Variants in EDIL3 observed in about 807,000 individuals in gnomAD.
The protein encoded by EDIL3 is EGF-like repeat and discoidin I-like domain-containing protein 3.
Under a neutral mutation model 67.4 loss-of-function variants are expected in EDIL3, and 37 were observed. The observed-to-expected ratio is 0.55, with a 90% confidence interval of 0.42 to 0.72. EDIL3 has a LOEUF of 0.72. EDIL3 is among the 30% of genes least tolerant of loss of function. EDIL3 has a pLI of 0.00. For synonymous variants in EDIL3, 195 were observed against 196.3 expected (o/e 0.99, Z 0.05); for missense variants, 527 against 586.3 (o/e 0.90, Z 1.04).
chr5:84,338,827 C>T (rs1185279433), intron 1 of EDIL3, among the ~76,000 whole-genome samples: 1 of 152,130 alleles, frequency 6.6e-6, no homozygotes, highest in Non-Finnish European at 1.5e-5. Context: ...GGGCATATGA[C>T]CTGTGAAATC....
intron 9 of EDIL3, among the ~76,000 whole-genome samples, chr5:84,041,534 ATG>A (rs1016607067): frequency 1.5e-4 from 22 of 146,226 alleles, no homozygotes; most frequent in Non-Finnish European, 3.0e-4. Context: ...CTTGTAGAAA[ATG>A]TGTGTGTGTG....
chr5:84,342,160 GA>G, intron 1 of EDIL3, among the ~76,000 whole-genome samples: 2 of 152,184 alleles, frequency 1.3e-5, no homozygotes, highest in East Asian at 3.9e-4. Flanking sequence ...ATAGACAACA[GA>G]ATGCTTTTCA....
intron 9 of EDIL3, among the ~76,000 whole-genome samples, chr5:84,020,912 T>C (rs556993137): frequency 2.0e-5 from 3 of 152,142 alleles, no homozygotes; most frequent in African/African-American, 4.8e-5. Context: ...AAAAAAGTTA[T>C]ATGCATCTTT....
In EDIL3 at chr5:84,106,907, G is replaced by A; in HGVS notation, c.470-77C>T. ...CAACATGTGTCTGTTCGATTTGATA[G>A]GATTTTTTTAAATGATTTGAATTTG... On this transcript the variant is annotated intron_variant, in intron 5 of 10. Transcript: ENST00000296591. The A allele has an allele frequency of 3.5e-6, 5 of 1,433,804 alleles. No individual in the cohort carries two copies. In the South Asian group the frequency reaches 6.1e-5, roughly 18 times the overall value. The allele number at this position is 1,433,804 out of a possible 1,614,324, so 88.8% of individuals were successfully genotyped here.
chr5:84,220,027 A>AT (rs1182684491), intron 3 of EDIL3, among the ~76,000 whole-genome samples: 4 of 152,124 alleles, frequency 2.6e-5, no homozygotes, highest in Non-Finnish European at 5.9e-5. Context: ...GATAGAATGA[A>AT]TAAGATCTAA....
intron 9 of EDIL3, among the ~76,000 whole-genome samples, chr5:84,006,688 T>G (rs966903632): frequency 6.6e-6 from 1 of 152,156 alleles, no homozygotes; most frequent in Non-Finnish European, 1.5e-5. Context: ...AATTTATCTA[T>G]GGAACAAACC....
chr5:84,113,669 C>G (rs1035659970), intron 5 of EDIL3, among the ~76,000 whole-genome samples: 3 of 152,128 alleles, frequency 2.0e-5, no homozygotes, highest in African/African-American at 7.2e-5. Context: ...CAAGATGTCT[C>G]GCATCTTGTT....
At chr5:84,037,988 G>GTTTTTTTTTTCTTTTTTTTTTTTTTTT (rs1746050700) in intron 9 of EDIL3, among the ~76,000 whole-genome samples, 1 of 99,748 alleles carries the variant, frequency 1.0e-5, no homozygotes, top group African/African-American at 4.5e-5. Context: ...TTTCTTTCTT[G>GTTTTTTTTTTCTTTTTTTTTTTTTTTT]TTTTTTTTTT....
At chr5:83,974,675 T>C (rs1358634217) in intron 9 of EDIL3, among the ~76,000 whole-genome samples, 1 of 152,040 alleles carries the variant, frequency 6.6e-6, no homozygotes, top group East Asian at 1.9e-4. Context: ...ATTATACTTG[T>C]AGTCTTAGAG....
chr5:84,152,783 A>G (rs990208006), intron 4 of EDIL3, among the ~76,000 whole-genome samples: 2 of 152,194 alleles, frequency 1.3e-5, no homozygotes, highest in Non-Finnish European at 1.5e-5. Flanking sequence ...GGTGATATTA[A>G]TATCTTCCCA....
At chr5:84,009,055 G>A (rs1333113279) in intron 9 of EDIL3, among the ~76,000 whole-genome samples, 1 of 152,034 alleles carries the variant, frequency 6.6e-6, no homozygotes, top group African/African-American at 2.4e-5. Context: ...CCAGTGATCT[G>A]CCTGCCTCAG....
intron 6 of EDIL3, among the ~76,000 whole-genome samples, chr5:84,086,425 C>A (rs184615629): frequency 1.3e-5 from 2 of 152,160 alleles, no homozygotes; most frequent in African/African-American, 4.8e-5. Context: ...CGGCTCCTTG[C>A]GCTTTCTGGG....
At chr5:84,372,907 T>G (rs1463198411) in intron 1 of EDIL3, among the ~76,000 whole-genome samples, 1 of 152,316 alleles carries the variant, frequency 6.6e-6, no homozygotes, top group East Asian at 1.9e-4. Flanking sequence ...TCAAAGAGAA[T>G]AATGCCTGAG....
At chr5:84,271,878 T>C (rs1442149912) in intron 1 of EDIL3, among the ~76,000 whole-genome samples, 2 of 152,172 alleles carry the variant, frequency 1.3e-5, no homozygotes, top group African/African-American at 2.4e-5. Flanking sequence ...ACAGACCACA[T>C]CCTCAACTGT....
chr5:84,294,478 C>G (rs1182317425), intron 1 of EDIL3, among the ~76,000 whole-genome samples: 1 of 149,838 alleles, frequency 6.7e-6, no homozygotes, highest in African/African-American at 2.5e-5. Flanking sequence ...GACAAATATT[C>G]ATAAGAAATA....
chr5:83,947,462 C>A (rs1410230800), intron 10 of EDIL3, among the ~76,000 whole-genome samples: 1 of 150,134 alleles, frequency 6.7e-6, no homozygotes, highest in Non-Finnish European at 1.5e-5. Context: ...AATTTCAATC[C>A]TTTGAGCTTT....
chr5:84,291,016 T>C (rs755374588), intron 1 of EDIL3, among the ~76,000 whole-genome samples: 7 of 152,164 alleles, frequency 4.6e-5, no homozygotes. Flanking sequence ...CCAGAGAAGT[T>C]GGTCACATTA....
chr5:84,150,508 A>T (rs1007605627), intron 4 of EDIL3, among the ~76,000 whole-genome samples: 4 of 152,204 alleles, frequency 2.6e-5, no homozygotes, highest in Non-Finnish European at 5.9e-5. Flanking sequence ...AAGAATATAC[A>T]TAAGAGTGGT....
At chr5:84,139,966 C>T (rs369293612) in intron 4 of EDIL3, among the ~76,000 whole-genome samples, 16 of 152,180 alleles carry the variant, frequency 1.1e-4, no homozygotes, top group African/African-American at 2.6e-4. Flanking sequence ...GTGCTAGAAT[C>T]CCATGTCAGA....
Sources: allele counts gnomAD v4.1 joint callset (sites outside exome capture counted in the v4.1 genomes callset), GRCh38; gene constraint gnomAD v4.1.1; transcripts MANE v1.5; gene names NCBI Gene and HGNC (gene_info 2026-07-23, HGNC 2026-07-21).